SYT4: variants seen among roughly 807,000 people sequenced by gnomAD.
SYT4 encodes the protein synaptotagmin 4, also known as synaptotagmin-4.
SYT4 carries 7 observed loss-of-function variants against 32.9 expected under a neutral mutation model. The ratio of observed to expected loss-of-function variants is 0.21; its 90% CI spans 0.12 to 0.40. The LOEUF (loss-of-function observed/expected upper bound fraction) is 0.40, where lower values mean the gene tolerates loss of function less well. SYT4 is among the 10% of genes least tolerant of loss of function. The pLI is 1.00. For synonymous variants in SYT4, 205 were observed against 186.2 expected (o/e 1.10, Z -0.82); for missense variants, 480 against 488.0 (o/e 0.98, Z 0.16).
At chr18:43,274,420 T>C (rs762343968) in intron 1 of SYT4, 26 bp from the exon 2 acceptor site, 91 of 1,536,168 alleles carry the variant, frequency 5.9e-5, no homozygotes, top group Middle Eastern at 3.5e-4. Context: ...ACCAATAATA[T>C]ACATTAAAGA....
rs1318090296 is a variant in SYT4 at position 43,274,297 on chromosome 18, C to T, written c.132G>A (p.Lys44=). The change falls in exon 2 of 4, where the codon AAG becomes AAA. Residue 44 remains lysine (K), a synonymous_variant. Transcript: ENST00000255224. The stretch of plus-strand genomic sequence containing the variant: ...ACTTGTATGGAGGAGTCTTGTTAGA[C>T]TTGGATGATTTTCTCTGACAGCAGA... ...AWICCQRKSS[K]SNKTPPYKFV... 1 of 1,613,826 alleles carries T rather than the reference C, an allele frequency of 6.2e-7. No individual in the cohort carries two copies. Among genetic ancestry groups the T allele is most frequent in the South Asian group, 1.1e-5 (1 of 91,078 alleles).
In SYT4 at chr18:43,274,048, T is replaced by G; in HGVS notation, c.381A>C (p.Leu127Phe). 2 of 1,614,054 alleles carry G rather than the reference T, an allele frequency of 1.2e-6. No individual in the cohort carries two copies. Among genetic ancestry groups the G allele is most frequent in the Non-Finnish European group, 1.7e-6 (2 of 1,179,944 alleles). The change falls in exon 2 of 4, where the codon TTA becomes TTC. Residue 127 changes from leucine to phenylalanine, a missense_variant. Transcript: ENST00000255224. Reference sequence around the variant, plus strand: ...GGGAAACTGACTCTTTTTCCCCTTCTAAAAAGAGCTTCGGGGTTGCATTCT... The same window carrying G: ...GGGAAACTGACTCTTTTTCCCCTTCGAAAAAGAGCTTCGGGGTTGCATTCT... ...DLENATPKLFLEGEKESVSPE... is the reference protein window; with the variant it reads ...DLENATPKLFFEGEKESVSPE...
Position 43,277,275 on chromosome 18 carries a change from G to T in SYT4, c.7C>A (p.Pro3Thr), listed in dbSNP as rs1485329908. 1.2e-6 allele frequency: 2 copies of T among 1,613,990 alleles called. No individual in the cohort carries two copies. The highest frequency in any genetic ancestry group is 1.7e-6 in the Non-Finnish European group (2 of 1,179,952). Residue 3 changes from proline to threonine, a missense_variant, in exon 1 of 4, where the codon CCG (proline) becomes ACG (threonine). Physicochemically the swap from Pro to Thr is conservative, Grantham distance 38 (BLOSUM62 -1). Coordinates refer to ENST00000255224, the MANE Select transcript of SYT4 (RefSeq NM_020783.4). ...AATTCTTCCCGGCTGGTGGTGATCG[G>T]AGCCATTTTTTACTGCGTGTTCTGT... MA[P>T]ITTSREEFDE...
intron 1 of SYT4, 141 bp from the exon 2 acceptor site, chr18:43,274,535 G>A (rs1908734139): frequency 3.3e-6 from 2 of 615,304 alleles, no homozygotes; most frequent in Admixed American, 7.0e-5. Context: ...TATGAGTTAA[G>A]TGTATATTTC....
intron 3 of SYT4, 146 bp downstream of exon 3, chr18:43,271,566 G>T: frequency 9.4e-7 from 1 of 1,063,128 alleles, no homozygotes; most frequent in Non-Finnish European, 1.3e-6. Flanking sequence ...TTTTTGTAAA[G>T]CTAGTCATAA....
intron 1 of SYT4, among the ~76,000 whole-genome samples, chr18:43,276,224 T>C (rs1361034882): frequency 6.6e-6 from 1 of 152,322 alleles, no homozygotes; most frequent in African/African-American, 2.4e-5. Context: ...TGAATAGTTA[T>C]GTCAAATGGC....
chr18:43,275,059 A>C (rs1908751843), intron 1 of SYT4, among the ~76,000 whole-genome samples: 2 of 152,060 alleles, frequency 1.3e-5, no homozygotes, highest in Non-Finnish European at 2.9e-5. Context: ...GACAATCCCA[A>C]ATTTCTCAGT....
chr18:43,273,741 A>G lies in SYT4; in HGVS notation c.688T>C (p.Tyr230His). The change falls in exon 2 of 4, where the codon TAC (tyrosine) becomes CAC (histidine). Residue 230 changes from tyrosine (Y) to histidine (H), a missense_variant. By Grantham distance (83) the Tyr-to-His change is moderately conservative. Transcript: ENST00000255224. Reference protein sequence around the residue: ...DETFTFYGIPYTQIQELALHF... With the variant: ...DETFTFYGIPHTQIQELALHF... ...AAGGCCAATTCTTGGATTTGGGTGT[A>G]GGGTATCCCATAGAATGTAAAGGTC... 1 of 1,614,042 alleles carries G rather than the reference A, an allele frequency of 6.2e-7. No homozygotes were observed. Among genetic ancestry groups the G allele is most frequent in the Non-Finnish European group, 8.5e-7 (1 of 1,179,922 alleles).
Position 43,273,561 on chromosome 18 carries a change from A to G in SYT4, c.849+19T>C, listed in dbSNP as rs1444243254. The G allele has an allele frequency of 6.5e-7, 1 of 1,538,176 alleles. No homozygotes were observed. ...TAAAAGATTGTTTATAAATACTTTA[A>G]GCACTGAAAATAAATTACCCTAACA... On this transcript the variant is annotated intron_variant, in intron 2 of 3. Coordinates refer to ENST00000255224, the MANE Select transcript of SYT4 (RefSeq NM_020783.4).
rs1242327740 is a variant in SYT4 at position 43,270,575 on chromosome 18, G to A, written c.1044C>T (p.Cys348=). The A allele has an allele frequency of 8.7e-6, 14 of 1,613,928 alleles. No individual in the cohort carries two copies. Among genetic ancestry groups the A allele is most frequent in the African/African-American group, 6.7e-5 (5 of 74,924 alleles). The change falls in exon 4 of 4, where the codon TGC becomes TGT. Residue 348 remains cysteine, a synonymous_variant. Coordinates refer to ENST00000255224, the MANE Select transcript of SYT4 (RefSeq NM_020783.4). ...ISKKKTHVKK[C]TPNAVFNELF... Reference sequence around the variant, plus strand: ...GCTCATTGAACACTGCATTGGGGGTGCATTTCTTCACATGAGTCTTCTTCT... The same window carrying A: ...GCTCATTGAACACTGCATTGGGGGTACATTTCTTCACATGAGTCTTCTTCT...
chr18:43,270,212 C>G lies in SYT4; in HGVS notation c.*129G>C. The stretch of plus-strand genomic sequence containing the variant: ...TTACTTTCTGGTCTACTAATTCAAT[C>G]CATTTCTAGCAACAACAACAACAAC... On this transcript the variant is annotated 3_prime_UTR_variant, in exon 4 of 4. Transcript: ENST00000255224. 1.1e-6 allele frequency: 1 copy of G among 949,560 alleles called. No individual in the cohort carries two copies. Among genetic ancestry groups the G allele is most frequent in the Non-Finnish European group, 1.6e-6 (1 of 628,318 alleles). 58.8% of individuals were successfully genotyped at this position (949,560 alleles called of 1,614,324 possible).
At chr18:43,276,828 T>G (rs1908809207) in intron 1 of SYT4, among the ~76,000 whole-genome samples, 1 of 152,014 alleles carries the variant, frequency 6.6e-6, no homozygotes, top group South Asian at 2.1e-4. Flanking sequence ...GACAAGTTGC[T>G]TTTTTTAACC....
At position 43,269,602 on chromosome 18, in the gene SYT4, A is replaced by G. The variant is rs1421897843; in HGVS notation, c.*739T>C. ...ACACTGAGGCTTGTGACAGGCAGTG[A>G]ATAATCCAAGGCCATGGTTCTTATG... On this transcript the variant is annotated 3_prime_UTR_variant, in exon 4 of 4. Transcript: ENST00000255224. 6.6e-6 allele frequency: 1 copy of G among 152,650 alleles called. No homozygotes were observed. Among genetic ancestry groups the G allele is most frequent in the Non-Finnish European group, 1.5e-5 (1 of 68,044 alleles). 9.5% of individuals were successfully genotyped at this position (152,650 alleles called of 1,614,324 possible).
rs1908716167 is a variant in SYT4, at chr18:43,274,063, G to A, written c.366C>T (p.Thr122=). 4.3e-6 allele frequency: 7 copies of A among 1,613,958 alleles called. No homozygotes were observed. The highest frequency in any genetic ancestry group is 1.6e-4 in the Middle Eastern group (1 of 6,084). Residue 122 remains threonine, a synonymous_variant, in exon 2 of 4, where the codon ACC becomes ACT. Transcript: ENST00000255224. ...PGSPSDLENA[T]PKLFLEGEKE... is the part of the protein sequence containing the mutation. ...TTTCCCCTTCTAAAAAGAGCTTCGGGGTTGCATTCTCCAGATCAGAAGGAC... is the reference window on the plus strand; with the variant it reads ...TTTCCCCTTCTAAAAAGAGCTTCGGAGTTGCATTCTCCAGATCAGAAGGAC...
Position 43,270,538 on chromosome 18 carries a change from C to T in SYT4, c.1081G>A (p.Asp361Asn), listed in dbSNP as rs1376531129. ...TCTTCAAGGCCCTCACAAGGAATAT[C>T]AAAGACAAACAGCTCATTGAACACT... ...NAVFNELFVFDIPCEGLEDIS... is the reference protein window; with the variant it reads ...NAVFNELFVFNIPCEGLEDIS... Residue 361 changes from aspartate (D) to asparagine (N), a missense_variant, in exon 4 of 4, where the codon GAT becomes AAT. Physicochemically the swap from Asp to Asn is conservative, Grantham distance 23. Transcript: ENST00000255224. 1.2e-6 allele frequency: 2 copies of T among 1,614,088 alleles called. No homozygotes were observed. The highest frequency in any genetic ancestry group is 1.7e-6 in the Non-Finnish European group (2 of 1,179,984).
At chr18:43,271,132 A>G (rs1421636973) in intron 3 of SYT4, among the ~76,000 whole-genome samples, 2 of 152,038 alleles carry the variant, frequency 1.3e-5, no homozygotes, top group African/African-American at 4.8e-5. Flanking sequence ...AACTTTTATG[A>G]ATTTCTTTAG....
At position 43,274,394 on chromosome 18, in the gene SYT4, T is replaced by A; in HGVS notation, c.35A>T (p.Asp12Val). The A allele has an allele frequency of 6.3e-7, 1 of 1,575,712 alleles. No homozygotes were observed. The highest frequency in any genetic ancestry group is 8.5e-7 in the Non-Finnish European group (1 of 1,170,544). ...APITTSREEF[D>V]EIPTVVGIFS... ...GATCCCCACCACTGTGGGGATTTCA[T>A]CTGAAAAATCAAATGACCAATAATA... The change falls in exon 2 of 4, where the codon GAT becomes GTT. Residue 12 changes from aspartate (D) to valine (V), a missense_variant and splice_region_variant. Transcript: ENST00000255224.
rs1908711321 is a variant in SYT4, at chr18:43,273,968, A to G, written c.461T>C (p.Leu154Pro). The G allele has an allele frequency of 6.2e-7, 1 of 1,613,852 alleles. No homozygotes were observed. Among genetic ancestry groups the G allele is most frequent in the Non-Finnish European group, 8.5e-7 (1 of 1,179,946 alleles). The change falls in exon 2 of 4, where the codon CTG (leucine) becomes CCG (proline). Residue 154 changes from leucine to proline, a missense_variant. By Grantham distance (98) the Leu-to-Pro change is moderately conservative. Transcript: ENST00000255224. Reference protein sequence around the residue: ...SLTSEEKQEKLGTLFFSLEYN... With the variant: ...SLTSEEKQEKPGTLFFSLEYN... Reference sequence around the variant, plus strand: ...TTCTAAGGAGAAGAAGAGAGTTCCCAGCTTCTCTTGTTTCTCTTCTGAAGT... The same window carrying G: ...TTCTAAGGAGAAGAAGAGAGTTCCCGGCTTCTCTTGTTTCTCTTCTGAAGT...
chr18:43,270,262 C>G lies in SYT4; in HGVS notation c.*79G>C, dbSNP rs1015113622. 8.2e-6 allele frequency: 12 copies of G among 1,464,012 alleles called. No homozygotes were observed. Among genetic ancestry groups the G allele is most frequent in the Non-Finnish European group, 9.2e-6 (10 of 1,081,162 alleles). 90.7% of individuals were successfully genotyped at this position (1,464,012 alleles called of 1,614,324 possible). On this transcript the variant is annotated 3_prime_UTR_variant, in exon 4 of 4. Coordinates refer to ENST00000255224, the MANE Select transcript of SYT4 (RefSeq NM_020783.4). ...CAAAAAGGTAGCTTGATTTCCCAAG[C>G]TTGCAATCCAATATAGAAAGAAAGA...
Sources: allele counts gnomAD v4.1 joint callset (sites outside exome capture counted in the v4.1 genomes callset), GRCh38; gene constraint gnomAD v4.1.1; transcripts MANE v1.5; gene names NCBI Gene and HGNC (gene_info 2026-07-23, HGNC 2026-07-21).